The following PCNX2 variants were observed in gnomAD, a reference collection of about 807,000 sequenced individuals.
The protein encoded by PCNX2 is pecanex 2, also known as pecanex-like protein 2.
Under a neutral mutation model 223.8 loss-of-function variants are expected in PCNX2, and 168 were observed. The observed-to-expected ratio is 0.75, with a 90% CI of 0.66 to 0.85. PCNX2 has a LOEUF of 0.85. PCNX2 is among the 40% of genes least tolerant of loss of function. The probability of loss-of-function intolerance (pLI) is 0.00; values close to 1 mark genes in which losing one functional copy is unlikely to be tolerated. For synonymous variants in PCNX2, 1,006 were observed against 1,052.6 expected, an observed-to-expected ratio of 0.96 and a Z score of 0.86; for missense variants, 2,507 against 2,675.5, an observed-to-expected ratio of 0.94 and a Z score of 1.39.
chr1:233,047,836 T>G (rs1480920164), intron 25 of PCNX2, among the ~76,000 whole-genome samples: 2 of 152,128 alleles, frequency 1.3e-5, no homozygotes. Context: ...ATTCTGGACT[T>G]AAATTTGACA....
chr1:233,244,223 G>A (rs2102975929), intron 8 of PCNX2, among the ~76,000 whole-genome samples: 1 of 152,318 alleles, frequency 6.6e-6, no homozygotes, highest in East Asian at 1.9e-4. Flanking sequence ...GGTTAAGCAA[G>A]TTGCATAACG....
intron 15 of PCNX2, among the ~76,000 whole-genome samples, chr1:233,179,756 T>C (rs1299278122): frequency 2.6e-5 from 4 of 152,212 alleles, no homozygotes; most frequent in African/African-American, 9.7e-5. Flanking sequence ...GTTAGTTGCT[T>C]TGGCTTACTC....
intron 1 of PCNX2, among the ~76,000 whole-genome samples, chr1:233,279,112 A>G (rs974070881): frequency 1.3e-5 from 2 of 152,162 alleles, no homozygotes; most frequent in Admixed American, 1.3e-4. Flanking sequence ...TGAGTTCTAG[A>G]TCTGTCTATT....
At chr1:233,176,856 A>C (rs1176792120) in intron 17 of PCNX2, among the ~76,000 whole-genome samples, 1 of 152,194 alleles carries the variant, frequency 6.6e-6, no homozygotes, top group African/African-American at 2.4e-5. Context: ...TACTAAAAAA[A>C]TACAAAAAAT....
At chr1:233,269,422 G>C (rs1660514582) in intron 1 of PCNX2, among the ~76,000 whole-genome samples, 1 of 152,158 alleles carries the variant, frequency 6.6e-6, no homozygotes, top group South Asian at 2.1e-4. Flanking sequence ...CTTGGGAGAA[G>C]TAAAACTAGA....
chr1:233,160,611 G>A (rs1248482607), intron 18 of PCNX2, among the ~76,000 whole-genome samples, 178 bp from the exon 19 acceptor site: 3 of 151,912 alleles, frequency 2.0e-5, no homozygotes, highest in African/African-American at 7.3e-5. Context: ...TGGTTCATGT[G>A]TTGGAAACCA....
In PCNX2 at chr1:233,253,790, C is replaced by A. The variant is rs932078020; in HGVS notation, c.1835-1002G>T. Reference sequence around the variant, plus strand: ...TTTTTATTTTTTGCATTTTTTGAATCCTCTTTAAACAACAAACCACTAAGG... The same window carrying A: ...TTTTTATTTTTTGCATTTTTTGAATACTCTTTAAACAACAAACCACTAAGG... On this transcript the variant is annotated intron_variant, in intron 5 of 33. Coordinates refer to ENST00000258229, the MANE Select transcript of PCNX2 (RefSeq NM_014801.4). This position sits in a 1 kb window ranked among gnomAD's most constrained non-coding sequence, Gnocchi z 4.2. Among the ~76,000 whole-genome samples, 1 of 152,112 alleles carries A rather than the reference C, an allele frequency of 6.6e-6. No homozygotes were observed. The highest frequency in any genetic ancestry group is 2.4e-5 in the African/African-American group (1 of 41,392).
In PCNX2 at chr1:233,139,912, A is replaced by G; in HGVS notation, c.3518-57T>C. ...CCACCGATCAAAGTATTTTTCTTTA[A>G]GTACAGGTAATAATAAGTAATATTC... is the stretch of plus-strand genomic sequence containing the variant. On this transcript the variant is annotated intron_variant, in intron 19 of 33. Transcript: ENST00000258229. This position sits in a 1 kb window ranked among gnomAD's most constrained non-coding sequence, Gnocchi z 4.4. 3 of 1,569,558 alleles carry G rather than the reference A, an allele frequency of 1.9e-6. No homozygotes were observed. The highest frequency in any genetic ancestry group is 8.6e-7 in the Non-Finnish European group (1 of 1,156,592).
rs189027584 is a variant in PCNX2 at position 233,242,430 on chromosome 1, T to A, written c.2223-5450A>T. 1.6e-4 allele frequency among the ~76,000 whole-genome samples: 24 copies of A among 152,338 alleles called. No individual in the cohort carries two copies. The East Asian group carries it at 4.4e-3, about 28-fold the overall frequency. On this transcript the variant is annotated intron_variant, in intron 8 of 33. Transcript: ENST00000258229. ...TGCCTATTTTGTGAGTTATAGATCC[T>A]CAAAATGAATGTAAATATCATGTCT...
chr1:233,309,183 A>G, the PCNX2 span, among the ~76,000 whole-genome samples: 1 of 152,260 alleles, frequency 6.6e-6, no homozygotes, highest in Non-Finnish European at 1.5e-5. Context: ...AATTCACAAT[A>G]CAAAATTTGA....
intron 8 of PCNX2, among the ~76,000 whole-genome samples, chr1:233,246,521 C>T (rs368654696): frequency 6.6e-6 from 1 of 152,284 alleles, no homozygotes; most frequent in East Asian, 1.9e-4. Context: ...GTGTCACCAG[C>T]CTTAGTTTTG....
intron 21 of PCNX2, among the ~76,000 whole-genome samples, chr1:233,129,876 T>C (rs2102754665): frequency 6.6e-6 from 1 of 152,298 alleles, no homozygotes; most frequent in South Asian, 2.1e-4. Context: ...AAAAGCAGGC[T>C]GCCAGAGCCA....
At chr1:233,035,845 A>G (rs1448061646) in intron 25 of PCNX2, among the ~76,000 whole-genome samples, 1 of 152,122 alleles carries the variant, frequency 6.6e-6, no homozygotes, top group Non-Finnish European at 1.5e-5. Context: ...TGGGAACACA[A>G]GATGTGTGAG....
intron 23 of PCNX2, among the ~76,000 whole-genome samples, chr1:233,072,057 G>T (rs2102905233): frequency 6.6e-6 from 1 of 152,266 alleles, no homozygotes; most frequent in African/African-American, 2.4e-5. Flanking sequence ...TTTGTCAGAT[G>T]CATAGTTTGT....
At chr1:233,025,731 A>G in intron 25 of PCNX2, 2 of 326,166 alleles carry the variant, frequency 6.1e-6, no homozygotes, top group Non-Finnish European at 1.1e-5. Flanking sequence ...AAAAGGTAGT[A>G]CATACTAGCT....
intron 8 of PCNX2, among the ~76,000 whole-genome samples, chr1:233,243,037 G>A (rs1023282720): frequency 2.6e-5 from 4 of 152,180 alleles, no homozygotes; most frequent in African/African-American, 9.7e-5. Flanking sequence ...GACAGCTATT[G>A]TACAACCGGA....
chr1:233,307,609 G>A, the PCNX2 span, among the ~76,000 whole-genome samples: 1 of 152,088 alleles, frequency 6.6e-6, no homozygotes, highest in African/African-American at 2.4e-5. Flanking sequence ...TGTTATGGTG[G>A]ATCTAAAAAT....
intron 28 of PCNX2, among the ~76,000 whole-genome samples, chr1:233,003,594 C>T (rs1465601397): frequency 1.3e-5 from 2 of 152,236 alleles, no homozygotes; most frequent in East Asian, 1.9e-4. Context: ...GACAGTGTGG[C>T]GATTCCTCAA....
At chr1:233,189,214 G>T (rs1422334047) in intron 15 of PCNX2, among the ~76,000 whole-genome samples, 1 of 152,176 alleles carries the variant, frequency 6.6e-6, no homozygotes, top group African/African-American at 2.4e-5. Flanking sequence ...CTGTGTTTCA[G>T]GTTCACCACT....
Sources: allele counts gnomAD v4.1 joint callset (sites outside exome capture counted in the v4.1 genomes callset), GRCh38; gene constraint gnomAD v4.1.1; non-coding constraint Gnocchi (gnomAD v3.1); transcripts MANE v1.5; gene names NCBI Gene and HGNC (gene_info 2026-07-23, HGNC 2026-07-21).